TENM3: variants seen among roughly 807,000 people sequenced by gnomAD.
TENM3 encodes the protein teneurin-3.
In TENM3, 63 loss-of-function variants were observed where a neutral mutation model predicts 255.1. The ratio of observed to expected loss-of-function variants is 0.25; its 90% confidence interval spans 0.20 to 0.30. TENM3 has a LOEUF of 0.30. Among genes scored for constraint, TENM3 ranks in the 10% least tolerant of loss-of-function variants. The probability of loss-of-function intolerance (pLI) is 1.00; values close to 1 mark genes in which losing one functional copy is unlikely to be tolerated. For missense variants in TENM3, 2,929 were observed against 3,461.1 expected, an observed-to-expected ratio of 0.85 and a Z score of 3.86; for synonymous variants, 1,306 against 1,322.3, an observed-to-expected ratio of 0.99 and a Z score of 0.27.
chr4:181,905,562 G>A, the TENM3 span, among the ~76,000 whole-genome samples: 6 of 139,786 alleles, frequency 4.3e-5, no homozygotes, highest in Admixed American at 1.4e-4. Flanking sequence ...TGGCTTTTTT[G>A]AAGATGTTTT....
chr4:182,455,167 T>G (rs1773767288), intron 3 of TENM3, among the ~76,000 whole-genome samples: 1 of 152,224 alleles, frequency 6.6e-6, no homozygotes, highest in South Asian at 2.1e-4. Flanking sequence ...TCACATTTTC[T>G]TGATCAGAAA....
the TENM3 span, among the ~76,000 whole-genome samples, chr4:181,495,629 C>T: frequency 3.3e-5 from 5 of 151,614 alleles, no homozygotes; most frequent in Middle Eastern, 3.2e-3. Flanking sequence ...TGTATGACGA[C>T]GACACTTTGC....
At chr4:182,645,742 G>A (rs1218404017) in intron 5 of TENM3, among the ~76,000 whole-genome samples, 1 of 152,084 alleles carries the variant, frequency 6.6e-6, no homozygotes, top group East Asian at 1.9e-4. Flanking sequence ...TATGACAGCT[G>A]GTTTTCCCTA....
chr4:182,262,875 G>T (rs947396861), intron 1 of TENM3, among the ~76,000 whole-genome samples: 1 of 151,792 alleles, frequency 6.6e-6, no homozygotes. Flanking sequence ...CACCACGCCC[G>T]GCTAATTGTT....
chr4:182,512,840 G>C (rs899072537), intron 3 of TENM3, among the ~76,000 whole-genome samples: 2 of 152,250 alleles, frequency 1.3e-5, no homozygotes, highest in Non-Finnish European at 2.9e-5. Context: ...TATAGGCTAA[G>C]AGTATACAGA....
chr4:182,296,739 A>T (rs558238193), intron 1 of TENM3, among the ~76,000 whole-genome samples: 25 of 152,314 alleles, frequency 1.6e-4, no homozygotes, highest in South Asian at 6.2e-4. Flanking sequence ...ATACTTCTAA[A>T]TATTATCATG....
chr4:182,519,935 G>C (rs1012462793), intron 3 of TENM3, among the ~76,000 whole-genome samples: 1 of 152,026 alleles, frequency 6.6e-6, no homozygotes, highest in East Asian at 1.9e-4. Context: ...CTAAACATTG[G>C]TGACTACCAA....
At chr4:181,851,228 T>A in the TENM3 span, among the ~76,000 whole-genome samples, 1 of 152,194 alleles carries the variant, frequency 6.6e-6, no homozygotes, top group Non-Finnish European at 1.5e-5. Flanking sequence ...TAACTTTCTT[T>A]GGGGCAAACC....
the TENM3 span, among the ~76,000 whole-genome samples, chr4:181,667,980 T>C: frequency 6.6e-6 from 1 of 152,174 alleles, no homozygotes; most frequent in Non-Finnish European, 1.5e-5. Flanking sequence ...AATGTTTCAC[T>C]TGACGAAATA....
intron 2 of TENM3, among the ~76,000 whole-genome samples, chr4:182,339,251 C>T (rs1429706756): frequency 6.6e-6 from 1 of 152,188 alleles, no homozygotes; most frequent in Non-Finnish European, 1.5e-5. Flanking sequence ...TAAAATGATT[C>T]ATTTAGAGAT....
At chr4:181,749,894 G>T in the TENM3 span, among the ~76,000 whole-genome samples, 1 of 152,062 alleles carries the variant, frequency 6.6e-6, no homozygotes, top group Non-Finnish European at 1.5e-5. Flanking sequence ...CCACCCACTT[G>T]CCCGAAATAT....
chr4:181,544,297 C>T, the TENM3 span, among the ~76,000 whole-genome samples: 23 of 148,370 alleles, frequency 1.6e-4, no homozygotes, highest in South Asian at 8.5e-4. Flanking sequence ...TAAAAATAAA[C>T]GAATTTCTGA....
At chr4:182,367,347 G>A (rs1353334674) in intron 3 of TENM3, among the ~76,000 whole-genome samples, 2 of 152,124 alleles carry the variant, frequency 1.3e-5, no homozygotes, top group East Asian at 3.9e-4. Context: ...CCACTTAGGC[G>A]GAACTGTGAA....
At chr4:181,804,114 G>GAGGGAGGGAA in the TENM3 span, among the ~76,000 whole-genome samples, 1 of 135,504 alleles carries the variant, frequency 7.4e-6, no homozygotes, top group African/African-American at 2.6e-5. Context: ...GAAGGAGAAG[G>GAGGGAGGGAA]AGGGAGGGAA....
chr4:181,542,861 G>A, the TENM3 span, among the ~76,000 whole-genome samples: 1 of 152,050 alleles, frequency 6.6e-6, no homozygotes, highest in Non-Finnish European at 1.5e-5. Flanking sequence ...TGTATTGTCC[G>A]TGATCCAAAA....
At chr4:182,357,556 A>G (rs1198680636) in intron 3 of TENM3, among the ~76,000 whole-genome samples, 1 of 145,608 alleles carries the variant, frequency 6.9e-6, no homozygotes, top group Admixed American at 6.8e-5. Context: ...CCACTTTTTG[A>G]TGGGGTTGTT....
chr4:182,360,925 A>G (rs1477851201), intron 3 of TENM3, among the ~76,000 whole-genome samples: 1 of 152,170 alleles, frequency 6.6e-6, no homozygotes, highest in Non-Finnish European at 1.5e-5. Context: ...TGGTGGTGAC[A>G]AAATCTCTTA....
At chr4:182,737,137 T>G in intron 17 of TENM3, 62 bp downstream of exon 17, 1 of 1,529,994 alleles carries the variant, frequency 6.5e-7, no homozygotes. Context: ...CTATCATAAA[T>G]TAATTGTAAC....
intron 3 of TENM3, among the ~76,000 whole-genome samples, chr4:182,500,037 C>A (rs1443054459): frequency 6.6e-6 from 1 of 152,128 alleles, no homozygotes; most frequent in Non-Finnish European, 1.5e-5. Context: ...ACTTATACGA[C>A]TTCTGGTTTA....
Sources: gnomAD v4.1 joint callset for allele counts (sites outside exome capture counted in the v4.1 genomes callset) on GRCh38, gnomAD v4.1.1 for gene constraint, MANE v1.5 for transcripts, NCBI Gene and HGNC (gene_info 2026-07-23, HGNC 2026-07-21) for gene names.